Variants in MPP4 observed in about 807,000 individuals in gnomAD.
MPP4 encodes MAGUK p55 scaffold protein 4, also known as MAGUK p55 subfamily member 4.
In MPP4, 91 loss-of-function variants were observed where a neutral mutation model predicts 98.3. The ratio of observed to expected loss-of-function variants is 0.93; its 90% CI spans 0.78 to 1.10. The LOEUF (loss-of-function observed/expected upper bound fraction) is 1.10, where lower values mean the gene tolerates loss of function less well. Ranked by LOEUF, MPP4 falls within the 50% of genes least tolerant of loss-of-function variation. The pLI is 0.00. For synonymous variants in MPP4, 261 were observed against 271.8 expected, an observed-to-expected ratio of 0.96 and a Z score of 0.39; for missense variants, 744 against 792.9, an observed-to-expected ratio of 0.94 and a Z score of 0.74.
chr2:201,647,961 T>G, intron 20 of MPP4, 136 bp from the exon 21 acceptor site: 1 of 781,286 alleles, frequency 1.3e-6, no homozygotes. Flanking sequence ...GCTCAAACGA[T>G]CCACCCATCT....
At chr2:201,675,547 G>A (rs1473162909) in intron 10 of MPP4, among the ~76,000 whole-genome samples, 1 of 152,198 alleles carries the variant, frequency 6.6e-6, no homozygotes, top group Non-Finnish European at 1.5e-5. Flanking sequence ...TTTGCACATG[G>A]AGTTTCAGTA....
intron 18 of MPP4, among the ~76,000 whole-genome samples, chr2:201,653,187 A>T (rs1466142804): frequency 6.6e-6 from 1 of 152,136 alleles, no homozygotes; most frequent in African/African-American, 2.4e-5. Flanking sequence ...GCTGTGATGG[A>T]CCCTACAAGG....
chr2:201,651,564 G>A (rs1347981026), intron 18 of MPP4: 2 of 984,780 alleles, frequency 2.0e-6, no homozygotes, highest in African/African-American at 3.5e-5. Flanking sequence ...AATATGAGCA[G>A]TATTTTCTCA....
intron 12 of MPP4, among the ~76,000 whole-genome samples, chr2:201,669,435 C>T (rs182946901): frequency 1.3e-5 from 2 of 152,232 alleles, no homozygotes; most frequent in Admixed American, 6.5e-5. Flanking sequence ...TGAGTTCTTG[C>T]CATACGCTAT....
intron 10 of MPP4, among the ~76,000 whole-genome samples, chr2:201,679,808 A>G (rs1182399536): frequency 6.6e-6 from 1 of 152,164 alleles, no homozygotes; most frequent in Admixed American, 6.5e-5. Context: ...CTTTTTCCCA[A>G]AATGTCTCAA....
rs780604033 is a variant in MPP4, at chr2:201,685,049, G to C, written c.574+15C>G. The C allele has an allele frequency of 6.2e-7, 1 of 1,607,738 alleles. No individual in the cohort carries two copies. The highest frequency in any genetic ancestry group is 1.7e-5 in the Admixed American group (1 of 59,512). ...GTTTTTCTGGTAACTCTCAATCCCA[G>C]CTGCTCCAGCTTACCACTTCTCTCC... On this transcript the variant is annotated intron_variant, in intron 7 of 21. Transcript: ENST00000409474.
At chr2:201,670,238 T>C (rs1574617513) in intron 11 of MPP4, among the ~76,000 whole-genome samples, 1 of 152,312 alleles carries the variant, frequency 6.6e-6, no homozygotes, top group South Asian at 2.1e-4. Context: ...ATTAATAAAA[T>C]TGCCCTATAT....
intron 18 of MPP4, among the ~76,000 whole-genome samples, chr2:201,654,579 C>T (rs1173916358): frequency 6.6e-6 from 1 of 151,942 alleles, no homozygotes; most frequent in African/African-American, 2.4e-5. Flanking sequence ...ATGTAACAAA[C>T]CTGCACGTTG....
At position 201,693,014 on chromosome 2, in the gene MPP4, A is replaced by G. The variant is rs1295359712; in HGVS notation, c.95T>C (p.Leu32Pro). Residue 32 changes from leucine to proline, a missense_variant, in exon 3 of 22, where the codon CTG (leucine) becomes CCG (proline). Transcript: ENST00000409474. ...TNPQNGLSQI[L>P]RLVLQELSLF... ...ACTCAGCTCTTGCAGCACAAGCCTC[A>G]GGATCTGGGAGAGGCCTAGGAAAGG... is the stretch of plus-strand genomic sequence containing the variant. 2.2e-5 allele frequency: 36 copies of G among 1,612,030 alleles called. No homozygotes were observed. Among genetic ancestry groups the G allele is most frequent in the Non-Finnish European group, 2.6e-5 (31 of 1,179,052 alleles).
chr2:201,648,347 C>T (rs1337451894), intron 20 of MPP4, among the ~76,000 whole-genome samples: 4 of 152,212 alleles, frequency 2.6e-5, no homozygotes, highest in Non-Finnish European at 5.9e-5. Flanking sequence ...GAAGTCCTAG[C>T]TTTCTAGAGT....
At chr2:201,667,849 A>C (rs1688226635) in intron 12 of MPP4, among the ~76,000 whole-genome samples, 1 of 152,138 alleles carries the variant, frequency 6.6e-6, no homozygotes, top group South Asian at 2.1e-4. Context: ...GAAATATGAA[A>C]AATTTTATGA....
chr2:201,660,248 A>G, intron 15 of MPP4, 84 bp downstream of exon 15: 1 of 1,229,952 alleles, frequency 8.1e-7, no homozygotes, highest in Non-Finnish European at 1.2e-6. Flanking sequence ...CTTAAACATT[A>G]TCCAGTCAAG....
intron 17 of MPP4, among the ~76,000 whole-genome samples, chr2:201,655,465 G>C (rs992247674): frequency 2.0e-5 from 3 of 152,148 alleles, no homozygotes; most frequent in African/African-American, 7.2e-5. Flanking sequence ...CTCTACTATT[G>C]CATCTTGAAA....
intron 14 of MPP4, among the ~76,000 whole-genome samples, chr2:201,661,219 C>G (rs1347346648): frequency 8.6e-6 from 1 of 116,784 alleles, no homozygotes; most frequent in Non-Finnish European, 2.0e-5. Context: ...CCATATCCAG[C>G]CTTTTTTTTT....
At chr2:201,652,904 T>C (rs907748675) in intron 18 of MPP4, among the ~76,000 whole-genome samples, 1 of 152,242 alleles carries the variant, frequency 6.6e-6, no homozygotes, top group African/African-American at 2.4e-5. Flanking sequence ...TGGCTTTCTT[T>C]AGATTTGGCA....
At position 201,694,037 on chromosome 2, in the gene MPP4, C is replaced by T. The variant is rs1026599639; in HGVS notation, c.-83G>A. 3.1e-6 allele frequency: 5 copies of T among 1,612,192 alleles called. No homozygotes were observed. Among genetic ancestry groups the T allele is most frequent in the Non-Finnish European group, 4.2e-6 (5 of 1,179,194 alleles). Reference sequence around the variant, plus strand: ...CACACAGCTCACTCAGTCCCACTGGCCACCAGCTCTCAGCACACTGGAATA... The same window carrying T: ...CACACAGCTCACTCAGTCCCACTGGTCACCAGCTCTCAGCACACTGGAATA... On this transcript the variant is annotated 5_prime_UTR_variant, in exon 2 of 22. An upstream open reading frame in the 5' UTR gains an earlier in-frame stop. Coordinates refer to ENST00000409474, the MANE Select transcript of MPP4 (RefSeq NM_033066.3).
intron 12 of MPP4, among the ~76,000 whole-genome samples, chr2:201,667,506 T>TA (rs987694981): frequency 6.6e-6 from 1 of 152,268 alleles, no homozygotes; most frequent in Non-Finnish European, 1.5e-5. Flanking sequence ...AGACTCTTAG[T>TA]ACAGTATTTT....
intron 10 of MPP4, among the ~76,000 whole-genome samples, chr2:201,676,156 A>G (rs1345252353): frequency 6.6e-6 from 1 of 152,212 alleles, no homozygotes; most frequent in East Asian, 1.9e-4. Context: ...TCCTGCCTCC[A>G]ATTCCCTGGA....
chr2:201,691,174 C>T (rs959310226), intron 3 of MPP4, among the ~76,000 whole-genome samples: 2 of 152,198 alleles, frequency 1.3e-5, no homozygotes, highest in Non-Finnish European at 2.9e-5. Flanking sequence ...AAACTCCTAT[C>T]TTAGCTGATC....
Sources: gnomAD v4.1 joint callset for allele counts (sites outside exome capture counted in the v4.1 genomes callset) on GRCh38, gnomAD v4.1.1 for gene constraint, MANE v1.5 for transcripts, NCBI Gene and HGNC (gene_info 2026-07-23, HGNC 2026-07-21) for gene names.